The following DDB1 variants were observed in gnomAD, a reference collection of about 807,000 sequenced individuals.
DDB1 encodes DNA damage-binding protein 1.
DDB1 carries 18 observed loss-of-function variants against 133.1 expected under a neutral mutation model. The ratio of observed to expected loss-of-function variants is 0.14; its 90% CI spans 0.09 to 0.20. DDB1 has a LOEUF of 0.20. Ranked by LOEUF, DDB1 falls within the 10% of genes least tolerant of loss-of-function variation. DDB1 has a pLI of 1.00. For synonymous variants in DDB1, 580 were observed against 550.5 expected (o/e 1.05, Z -0.75); for missense variants, 828 against 1,459.2 (o/e 0.57, Z 7.05).
Position 61,302,692 on chromosome 11 carries a change from C to T in DDB1, c.3002G>A (p.Gly1001Asp). 1 of 1,614,224 alleles carries T rather than the reference C, an allele frequency of 6.2e-7. No individual in the cohort carries two copies. The highest frequency in any genetic ancestry group is 8.5e-7 in the Non-Finnish European group (1 of 1,180,026). Residue 1001 changes from glycine (G) to aspartate (D), a missense_variant, in exon 24 of 27, where the codon GGC (glycine) becomes GAC (aspartate). Transcript: ENST00000301764. ...GTGGCAAAAGACATTGACAAACTCGCCCAGGTGGAAAAGACCAACCTCCTG... is the reference window on the plus strand; with the variant it reads ...GTGGCAAAAGACATTGACAAACTCGTCCAGGTGGAAAAGACCAACCTCCTG... Reference protein sequence around the residue: ...HLQEVGLFHLGEFVNVFCHGS... With the variant: ...HLQEVGLFHLDEFVNVFCHGS...
At chr11:61,327,559 T>C (rs1003848625) in intron 4 of DDB1, 1 of 152,348 alleles carries the variant, frequency 6.6e-6, no homozygotes, top group Admixed American at 6.5e-5. Context: ...TATGAGATTT[T>C]TTTTAAATTG....
intron 2 of DDB1, among the ~76,000 whole-genome samples, chr11:61,330,706 G>T (rs1482700440): frequency 1.3e-5 from 2 of 151,204 alleles, no homozygotes; most frequent in African/African-American, 4.9e-5. Flanking sequence ...CTCTGTCACC[G>T]GGCAATGGGC....
chr11:61,300,908 C>G lies in DDB1; in HGVS notation c.3240G>C (p.Arg1080=), dbSNP rs1294906675. The change falls in exon 26 of 27, where the codon CGG becomes CGC. Residue 1080 remains arginine, a synonymous_variant. Coordinates refer to ENST00000301764, the MANE Select transcript of DDB1 (RefSeq NM_001923.5). ...TGAAACCTGTGGCTGGTTCTGTCTT[C>G]CGCTCGGTGTGAAAGGATCTCCAGG... is the stretch of plus-strand genomic sequence containing the variant. ...HSFWRSFHTE[R]KTEPATGFID... 1 of 1,614,180 alleles carries G rather than the reference C, an allele frequency of 6.2e-7. No homozygotes were observed. Among genetic ancestry groups the G allele is most frequent in the Admixed American group, 1.7e-5 (1 of 60,016 alleles).
Position 61,326,772 on chromosome 11 carries a change from T to TA in DDB1, c.664+6dup, listed in dbSNP as rs746006222. The TA allele has an allele frequency of 8.1e-6, 13 of 1,613,144 alleles. No individual in the cohort carries two copies. The highest frequency in any genetic ancestry group is 5.1e-6 in the Non-Finnish European group (6 of 1,179,174). The stretch of plus-strand genomic sequence containing the variant: ...GTGGAGGCACATTTCCTAAACCCCC[T>TA]ACCAACCTGCGATCACCATGGAAGC... On this transcript the variant is annotated splice_region_variant and intron_variant, in intron 5 of 26. Transcript: ENST00000301764.
At chr11:61,309,588 A>C (rs1244647478) in intron 20 of DDB1, among the ~76,000 whole-genome samples, 1 of 152,080 alleles carries the variant, frequency 6.6e-6, no homozygotes, top group East Asian at 1.9e-4. Context: ...CCTTTCAAAG[A>C]GTAGCAAAGA....
chr11:61,326,796 G>A lies in DDB1; in HGVS notation c.647C>T (p.Ala216Val). The stretch of plus-strand genomic sequence containing the variant: ...CTACCAACCTGCGATCACCATGGAA[G>A]CTTCAGCTTCGACATTTTCCTGTTT... The part of the protein sequence containing the change: ...PWKQENVEAE[A>V]SMVIAVPEPF... The change falls in exon 5 of 27, where the codon GCT becomes GTT. Residue 216 changes from alanine to valine, a missense_variant. Transcript: ENST00000301764. The A allele has an allele frequency of 6.2e-7, 1 of 1,614,054 alleles. No homozygotes were observed. Among genetic ancestry groups the A allele is most frequent in the Non-Finnish European group, 8.5e-7 (1 of 1,179,954 alleles).
Position 61,314,116 on chromosome 11 carries a change from T to C in DDB1, c.1684A>G (p.Thr562Ala). Residue 562 changes from threonine to alanine, a missense_variant, in exon 14 of 27, where the codon ACG (threonine) becomes GCG (alanine). By Grantham distance (58) the Thr-to-Ala change is moderately conservative. Around this residue, in one of 7 missense-constraint regions of DDB1, gnomAD observed 396 missense variants for 554.1 expected, o/e 0.71. Coordinates refer to ENST00000301764, the MANE Select transcript of DDB1 (RefSeq NM_001923.5). ...LSPLCAIGLW[T>A]DISARILKLP... ...TTCAAGATACGAGCCGAGATGTCCG[T>C]CCAGAGGCCAATGGCACAAAGAGGG... The C allele has an allele frequency of 6.2e-7, 1 of 1,614,096 alleles. No homozygotes were observed. Among genetic ancestry groups the C allele is most frequent in the Non-Finnish European group, 8.5e-7 (1 of 1,179,996 alleles).
intron 10 of DDB1, among the ~76,000 whole-genome samples, chr11:61,317,562 A>G (rs560414932): frequency 1.3e-5 from 2 of 152,106 alleles, no homozygotes; most frequent in African/African-American, 2.4e-5. Flanking sequence ...ACTGGGGTGC[A>G]ATGGCACGAT....
rs1856330180 is a variant in DDB1 at position 61,329,551 on chromosome 11, T to C, written c.361A>G (p.Ile121Val). The C allele has an allele frequency of 1.9e-5, 30 of 1,614,032 alleles. No homozygotes were observed. The highest frequency in any genetic ancestry group is 2.5e-5 in the Non-Finnish European group (30 of 1,179,970). The change falls in exon 4 of 27, where the codon ATT becomes GTT. Residue 121 changes from isoleucine to valine, a missense_variant. Transcript: ENST00000301764. The part of the protein sequence containing the change: ...RIGRPSETGI[I>V]GIIDPECRMI... ...CGGCACTCAGGGTCAATGATGCCAA[T>C]AATGCCGGTCTCTGAGGGGCGGCCA...
At chr11:61,322,138 G>A (rs1856190351) in intron 9 of DDB1, 158 bp downstream of exon 9, 1 of 671,524 alleles carries the variant, frequency 1.5e-6, no homozygotes, top group South Asian at 1.9e-5. Context: ...ACCAAGATAG[G>A]CACTCAATAA....
intron 6 of DDB1, 37 bp downstream of exon 6, chr11:61,325,574 A>T (rs777780649): frequency 6.4e-7 from 1 of 1,568,458 alleles, no homozygotes. Flanking sequence ...ACAAGGAAAG[A>T]AAAGATGAAA....
intron 10 of DDB1, among the ~76,000 whole-genome samples, chr11:61,316,946 GAT>G (rs58564398): frequency 1.8e-3 from 52 of 29,036 alleles, no homozygotes; most frequent in East Asian, 2.4e-3. Context: ...AAAAAGGATA[GAT>G]ATATATATAT....
intron 16 of DDB1, 107 bp downstream of exon 16, chr11:61,313,392 C>G: frequency 3.9e-6 from 4 of 1,017,870 alleles, no homozygotes; most frequent in Non-Finnish European, 5.8e-6. Context: ...CTTCCCATCT[C>G]AGTTATGATT....
At chr11:61,303,580 C>T (rs1398897415) in intron 22 of DDB1, among the ~76,000 whole-genome samples, 2 of 151,460 alleles carry the variant, frequency 1.3e-5, no homozygotes, top group East Asian at 1.9e-4. Flanking sequence ...CCCAGCTACT[C>T]GTAGTCCCAG....
At chr11:61,319,857 A>G (rs1444133110) in intron 10 of DDB1, among the ~76,000 whole-genome samples, 2 of 152,262 alleles carry the variant, frequency 1.3e-5, no homozygotes, top group Non-Finnish European at 2.9e-5. Context: ...GAACAGCTTT[A>G]TAATACTGAT....
At chr11:61,322,928 T>C (rs1181952326) in intron 8 of DDB1, 83 bp downstream of exon 8, 5 of 1,118,402 alleles carry the variant, frequency 4.5e-6, no homozygotes, top group Non-Finnish European at 6.5e-6. Flanking sequence ...GGAGAGATTC[T>C]GAGAGGTGCC....
intron 4 of DDB1, chr11:61,327,447 A>G (rs901523762): frequency 1.4e-5 from 2 of 143,166 alleles, no homozygotes; most frequent in African/African-American, 2.5e-5. Context: ...TCCATCTCAG[A>G]AAAAAAAAAA....
chr11:61,309,342 C>A lies in DDB1; in HGVS notation c.2567-265G>T, dbSNP rs141334382. Among the ~76,000 whole-genome samples the A allele has an allele frequency of 3.5e-3, 529 of 152,288 alleles. 1 individual carries two copies. The highest frequency in any genetic ancestry group is 0.012 in the African/African-American group (501 of 41,554). On this transcript the variant is annotated intron_variant, in intron 20 of 26. Transcript: ENST00000301764. Reference sequence around the variant, plus strand: ...TCTCTCTCAAGATGGAAACCAGATCCCATTTCAGCTATCTGATCTGAGATT... The same window carrying A: ...TCTCTCTCAAGATGGAAACCAGATCACATTTCAGCTATCTGATCTGAGATT...
At chr11:61,330,119 AG>A in intron 2 of DDB1, 45 bp from the exon 3 acceptor site, 1 of 1,499,520 alleles carries the variant, frequency 6.7e-7, no homozygotes, top group South Asian at 1.1e-5. Context: ...TTTTTAAAAC[AG>A]GAACAACCTG....
Sources: gnomAD v4.1 joint callset for allele counts (sites outside exome capture counted in the v4.1 genomes callset) on GRCh38, gnomAD v4.1.1 for gene constraint, gnomAD v4.1.1 regional missense constraint, MANE v1.5 for transcripts, NCBI Gene and HGNC (gene_info 2026-07-23, HGNC 2026-07-21) for gene names.